The following ZHX3 variants were observed in gnomAD, a reference collection of about 807,000 sequenced individuals.
ZHX3 encodes zinc fingers and homeoboxes protein 3.
In ZHX3, 20 loss-of-function variants were observed where a neutral mutation model predicts 64.5. That is an observed-to-expected ratio of 0.31 (90% CI 0.22 to 0.45). ZHX3 has a LOEUF of 0.45. ZHX3 is among the 20% of genes least tolerant of loss of function. The pLI, the probability that ZHX3 is intolerant of heterozygous loss-of-function variation, is 1.00. For synonymous variants in ZHX3, 423 were observed against 461.6 expected (o/e 0.92, Z 1.07); for missense variants, 1,041 against 1,195.8 (o/e 0.87, Z 1.91).
chr20:41,293,079 G>A (rs1304696525), intron 1 of ZHX3, among the ~76,000 whole-genome samples: 1 of 152,110 alleles, frequency 6.6e-6, no homozygotes, highest in Non-Finnish European at 1.5e-5. Context: ...TATCTGCTGG[G>A]GGCTCTGATG....
intron 2 of ZHX3, among the ~76,000 whole-genome samples, chr20:41,225,595 C>T (rs910694945): frequency 3.3e-5 from 5 of 152,190 alleles, no homozygotes; most frequent in Non-Finnish European, 7.3e-5. Context: ...TCAAGCGATT[C>T]TCCTACCTCA....
intron 1 of ZHX3, chr20:41,316,885 C>T (rs924023729): frequency 6.6e-6 from 1 of 152,320 alleles, no homozygotes; most frequent in African/African-American, 2.4e-5. Flanking sequence ...AATCCGAGGA[C>T]CTGGGGCCCA....
At chr20:41,312,654 G>T (rs974584016) in intron 1 of ZHX3, among the ~76,000 whole-genome samples, 16 of 152,198 alleles carry the variant, frequency 1.1e-4, no homozygotes, top group African/African-American at 3.9e-4. Flanking sequence ...CTGAGGAGGA[G>T]ATGTTTTAGC....
In ZHX3 at chr20:41,204,286, C is replaced by T; in HGVS notation, c.631G>A (p.Val211Met). 1.2e-6 allele frequency: 2 copies of T among 1,614,254 alleles called. No individual in the cohort carries two copies. Among genetic ancestry groups the T allele is most frequent in the Non-Finnish European group, 1.7e-6 (2 of 1,180,046 alleles). The change falls in exon 3 of 4, where the codon GTG (valine) becomes ATG (methionine). Residue 211 changes from valine to methionine, a missense_variant. Val to Met is a conservative substitution (Grantham distance 21). This residue lies in a region of ZHX3 where 358 missense variants were observed against 369.1 expected (regional missense o/e 0.97). Coordinates refer to ENST00000683867, the MANE Select transcript of ZHX3 (RefSeq NM_001384317.1). The surrounding 1 kb of genome is among the most constrained non-coding windows in gnomAD (Gnocchi z 6.6). ...TLKENVPSQP[V>M]GEALPKLSTG... Reference sequence around the variant, plus strand: ...GACAGCTTTGGTAAGGCCTCACCCACAGGCTGGCTAGGGACATTCTCCTTG... The same window carrying T: ...GACAGCTTTGGTAAGGCCTCACCCATAGGCTGGCTAGGGACATTCTCCTTG...
At chr20:41,250,162 C>A (rs1191320293) in intron 2 of ZHX3, among the ~76,000 whole-genome samples, 1 of 152,156 alleles carries the variant, frequency 6.6e-6, no homozygotes, top group African/African-American at 2.4e-5. Context: ...TCCTTACCCC[C>A]ATCAGACAGC....
intron 1 of ZHX3, among the ~76,000 whole-genome samples, chr20:41,309,578 C>T (rs2045071480): frequency 6.6e-6 from 1 of 152,156 alleles, no homozygotes; most frequent in Admixed American, 6.5e-5. Context: ...TGAACCTGGG[C>T]CATGGCCGAC....
intron 2 of ZHX3, among the ~76,000 whole-genome samples, chr20:41,263,713 A>T (rs528946877): frequency 1.2e-4 from 18 of 151,940 alleles, no homozygotes; most frequent in African/African-American, 2.2e-4. Flanking sequence ...ATTTTTTTTT[A>T]AAAAAGAAAT....
At chr20:41,303,519 T>C (rs2044885471) in intron 1 of ZHX3, among the ~76,000 whole-genome samples, 1 of 152,202 alleles carries the variant, frequency 6.6e-6, no homozygotes, top group African/African-American at 2.4e-5. Context: ...AATGCTCCAC[T>C]TTACACAAAA....
chr20:41,198,288 A>G (rs6124328), intron 3 of ZHX3, among the ~76,000 whole-genome samples: 66,531 of 151,708 alleles, frequency 0.44, 16,846 homozygotes, highest in East Asian at 0.82. Flanking sequence ...GAGCCACGGC[A>G]CCTGGCCTAT....
intron 1 of ZHX3, among the ~76,000 whole-genome samples, chr20:41,280,247 AAG>A (rs1156286851): frequency 1.3e-5 from 2 of 152,150 alleles, no homozygotes; most frequent in East Asian, 1.9e-4. Flanking sequence ...GGATCACACA[AAG>A]AGTTCTCAAT....
chr20:41,218,455 A>G (rs2039702325), intron 2 of ZHX3, among the ~76,000 whole-genome samples: 2 of 152,130 alleles, frequency 1.3e-5, no homozygotes, highest in African/African-American at 4.8e-5. Flanking sequence ...AAATAAATAA[A>G]TAAATAAATA....
At chr20:41,283,506 C>T (rs1032733252) in intron 1 of ZHX3, among the ~76,000 whole-genome samples, 3 of 152,164 alleles carry the variant, frequency 2.0e-5, no homozygotes, top group Admixed American at 2.0e-4. Context: ...CGCCTGTAAT[C>T]CCAGCACTTT....
At chr20:41,295,514 T>G (rs1251228056) in intron 1 of ZHX3, among the ~76,000 whole-genome samples, 1 of 152,178 alleles carries the variant, frequency 6.6e-6, no homozygotes, top group Non-Finnish European at 1.5e-5. Flanking sequence ...AGAATTCCCT[T>G]TTTAAAAAAT....
rs997574434 is a variant in ZHX3 at position 41,226,477 on chromosome 20, T to C, written c.-150-21411A>G. 1.3e-5 allele frequency among the ~76,000 whole-genome samples: 2 copies of C among 152,214 alleles called. No homozygotes were observed. Among genetic ancestry groups the C allele is most frequent in the African/African-American group, 2.4e-5 (1 of 41,456 alleles). Reference sequence around the variant, plus strand: ...TTAGGTTGCTTCCCCCTCTTGGTTATTGTGAATAATGCTGCAGTGAATATG... The same window carrying C: ...TTAGGTTGCTTCCCCCTCTTGGTTACTGTGAATAATGCTGCAGTGAATATG... On this transcript the variant is annotated intron_variant, in intron 2 of 3. Coordinates refer to ENST00000683867, the MANE Select transcript of ZHX3 (RefSeq NM_001384317.1). This position sits in a 1 kb window ranked among gnomAD's most constrained non-coding sequence, Gnocchi z 4.4.
chr20:41,206,506 T>C (rs949715079), intron 2 of ZHX3, among the ~76,000 whole-genome samples: 1 of 152,168 alleles, frequency 6.6e-6, no homozygotes, highest in Non-Finnish European at 1.5e-5. Context: ...ACATGACGCA[T>C]GCACAAGCTT....
intron 2 of ZHX3, among the ~76,000 whole-genome samples, chr20:41,237,127 G>A (rs1006032252): frequency 6.6e-6 from 1 of 152,180 alleles, no homozygotes; most frequent in Non-Finnish European, 1.5e-5. Context: ...GTGCTAGAGA[G>A]GATCTGGAAA....
chr20:41,290,266 A>G (rs1176947502), intron 1 of ZHX3: 1 of 152,116 alleles, frequency 6.6e-6, no homozygotes, highest in African/African-American at 2.4e-5. Context: ...AACAGAATAG[A>G]TTTTATTTCT....
chr20:41,285,092 C>T (rs1024536525), intron 1 of ZHX3, among the ~76,000 whole-genome samples: 12 of 152,190 alleles, frequency 7.9e-5, no homozygotes, highest in East Asian at 1.9e-4. Flanking sequence ...AATACTGGGT[C>T]GATGATCCTT....
intron 2 of ZHX3, among the ~76,000 whole-genome samples, chr20:41,242,489 C>T (rs893282197): frequency 6.6e-6 from 1 of 152,158 alleles, no homozygotes; most frequent in Non-Finnish European, 1.5e-5. Context: ...TAGGAGAAAT[C>T]AAAGAATGCA....
Sources: gnomAD v4.1 joint callset for allele counts (sites outside exome capture counted in the v4.1 genomes callset) on GRCh38, gnomAD v4.1.1 for gene constraint, gnomAD v4.1.1 regional missense constraint, Gnocchi (gnomAD v3.1) non-coding constraint, MANE v1.5 for transcripts, NCBI Gene and HGNC (gene_info 2026-07-23, HGNC 2026-07-21) for gene names.